HOMER1: variants seen among roughly 807,000 people sequenced by gnomAD.
The protein encoded by HOMER1 is homer scaffold protein 1.
In HOMER1, 3 loss-of-function variants were observed where a neutral mutation model predicts 48.9. The ratio of observed to expected loss-of-function variants is 0.06; its 90% confidence interval spans 0.03 to 0.16. The LOEUF (loss-of-function observed/expected upper bound fraction) is 0.16, where lower values mean the gene tolerates loss of function less well. HOMER1 is among the 10% of genes least tolerant of loss of function. The pLI is 1.00. For missense variants in HOMER1, 247 were observed against 411.4 expected, an observed-to-expected ratio of 0.60 and a Z score of 3.46; for synonymous variants, 134 against 146.4, an observed-to-expected ratio of 0.92 and a Z score of 0.61.
At chr5:79,390,011 C>T (rs1294587277) in intron 8 of HOMER1, among the ~76,000 whole-genome samples, 1 of 152,120 alleles carries the variant, frequency 6.6e-6, no homozygotes. Flanking sequence ...CCAGGCCAGG[C>T]ACGGTGGCTC....
At chr5:79,424,768 A>G (rs1036498026) in intron 5 of HOMER1, among the ~76,000 whole-genome samples, 1 of 152,100 alleles carries the variant, frequency 6.6e-6, no homozygotes, top group East Asian at 1.9e-4. Flanking sequence ...GTCCAGGAAG[A>G]TCAGGTTGCT....
At chr5:79,491,151 T>C (rs1338547481) in intron 1 of HOMER1, among the ~76,000 whole-genome samples, 1 of 123,870 alleles carries the variant, frequency 8.1e-6, no homozygotes, top group Non-Finnish European at 1.6e-5. Flanking sequence ...GAATTACAGG[T>C]CAGGTGCCAG....
chr5:79,391,742 C>CA lies in HOMER1; in HGVS notation c.876+5080dup, dbSNP rs959958115. On this transcript the variant is annotated intron_variant, in intron 8 of 8. Transcript: ENST00000334082. ...TGGGCAACAGAGTGAGACTCTGTCTCAAAAAAAAAAAAGAAAAGAAAAAGA... is the reference window on the plus strand; with the variant it reads ...TGGGCAACAGAGTGAGACTCTGTCTCAAAAAAAAAAAAAGAAAAGAAAAAGA... Among the ~76,000 whole-genome samples the CA allele has an allele frequency of 3.0e-3, 351 of 117,624 alleles. 3 individuals are homozygous for CA. The East Asian group carries it at 0.04, about 13-fold the overall frequency. 77.2% of individuals were successfully genotyped at this position (117,624 alleles called of 152,430 possible).
intron 2 of HOMER1, among the ~76,000 whole-genome samples, chr5:79,454,643 A>G (rs1751119921): frequency 6.6e-6 from 1 of 152,206 alleles, no homozygotes; most frequent in Non-Finnish European, 1.5e-5. Flanking sequence ...AAGTAAATAC[A>G]TATTAGTTAC....
At chr5:79,488,036 T>C (rs1236533134) in intron 1 of HOMER1, among the ~76,000 whole-genome samples, 1 of 152,260 alleles carries the variant, frequency 6.6e-6, no homozygotes, top group Non-Finnish European at 1.5e-5. Context: ...AAACTTTCTG[T>C]ACACTTAATA....
intron 4 of HOMER1, 132 bp downstream of exon 4, chr5:79,446,921 T>C (rs1750902302): frequency 1.7e-6 from 1 of 593,262 alleles, no homozygotes; most frequent in African/African-American, 1.9e-5. Flanking sequence ...ATCAAAGTCC[T>C]GGGATTACAG....
chr5:79,503,532 GAGAAA>G (rs1469445531), intron 1 of HOMER1, among the ~76,000 whole-genome samples: 66 of 94,022 alleles, frequency 7.0e-4, no homozygotes, highest in South Asian at 1.6e-3. Flanking sequence ...CTGTCACAAA[GAGAAA>G]AAAAAAAAAA....
At chr5:79,491,370 T>C (rs1315468574) in intron 1 of HOMER1, among the ~76,000 whole-genome samples, 6 of 140,274 alleles carry the variant, frequency 4.3e-5, no homozygotes, top group East Asian at 2.2e-4. Flanking sequence ...GCCCCGGAGG[T>C]TGAGGGTGCA....
chr5:79,388,848 T>C lies in HOMER1; in HGVS notation c.876+7975A>G, dbSNP rs146321841. On this transcript the variant is annotated intron_variant, in intron 8 of 8. Coordinates refer to ENST00000334082, the MANE Select transcript of HOMER1 (RefSeq NM_004272.5). ...CAGAAAGAGGTTGCAAAAAACAAAA[T>C]CAAATTACACAAGATTGGAGCTCCT... Among the ~76,000 whole-genome samples the C allele has an allele frequency of 2.7e-3, 413 of 151,744 alleles. 2 individuals are homozygous for C. The highest frequency in any genetic ancestry group is 9.5e-3 in the African/African-American group (394 of 41,426).
intron 1 of HOMER1, among the ~76,000 whole-genome samples, chr5:79,459,819 G>A (rs1007546960): frequency 7.2e-5 from 11 of 152,156 alleles, no homozygotes; most frequent in Non-Finnish European, 1.3e-4. Context: ...AATAGAGTTT[G>A]AAACAAACTG....
intron 5 of HOMER1, among the ~76,000 whole-genome samples, chr5:79,407,333 T>C (rs1227458919): frequency 6.6e-6 from 1 of 151,058 alleles, no homozygotes; most frequent in African/African-American, 2.4e-5. Context: ...AAAAAAACAC[T>C]CCTCACTGTC....
At chr5:79,490,448 AAG>A (rs147385130) in intron 1 of HOMER1, among the ~76,000 whole-genome samples, 1,937 of 152,278 alleles carry the variant, frequency 0.013, 55 homozygotes, top group African/African-American at 0.043. Context: ...GCTTATACAG[AAG>A]AGTTTTCATA....
At chr5:79,502,988 C>T (rs1302778809) in intron 1 of HOMER1, among the ~76,000 whole-genome samples, 1 of 152,026 alleles carries the variant, frequency 6.6e-6, no homozygotes, top group African/African-American at 2.4e-5. Context: ...GACAGGGTTT[C>T]ACCGTGTTAG....
At chr5:79,408,729 T>C (rs1480022712) in intron 5 of HOMER1, among the ~76,000 whole-genome samples, 1 of 152,154 alleles carries the variant, frequency 6.6e-6, no homozygotes, top group African/African-American at 2.4e-5. Flanking sequence ...ACATGGTCCA[T>C]TAAAAAAACT....
Position 79,446,945 on chromosome 5 carries a change from C to T in HOMER1, c.387+108G>A, listed in dbSNP as rs1256131606. ...CTGGGATTACAGGTGTGAGCCACCA[C>T]ACTAAAGGGTGCATTTCTGTGTGTA... On this transcript the variant is annotated intron_variant, in intron 4 of 8. Coordinates refer to ENST00000334082, the MANE Select transcript of HOMER1 (RefSeq NM_004272.5). 4.3e-6 allele frequency: 3 copies of T among 696,828 alleles called. No homozygotes were observed. In the African/African-American group the frequency reaches 5.3e-5, roughly 12 times the overall value. The allele number at this position is 696,828 out of a possible 1,614,324, so 43.2% of individuals were successfully genotyped here. A position where few individuals can be genotyped will look rare whatever the true frequency, so the allele number is the denominator to read the frequency against.
chr5:79,441,109 G>A (rs1008441935), intron 4 of HOMER1, among the ~76,000 whole-genome samples: 4 of 152,004 alleles, frequency 2.6e-5, no homozygotes, highest in East Asian at 1.9e-4. Context: ...CCAGCGAGCC[G>A]AGATCACTGC....
intron 5 of HOMER1, among the ~76,000 whole-genome samples, chr5:79,432,840 T>C (rs923914288): frequency 5.1e-4 from 71 of 140,100 alleles, no homozygotes; most frequent in African/African-American, 1.6e-3. Context: ...TTCACAATTA[T>C]AGTAAAAAAA....
chr5:79,385,275 A>G (rs1039051087), intron 8 of HOMER1, among the ~76,000 whole-genome samples: 1 of 152,198 alleles, frequency 6.6e-6, no homozygotes, highest in Admixed American at 6.5e-5. Context: ...ATATTAAACT[A>G]AAAAGCTTCT....
intron 1 of HOMER1, among the ~76,000 whole-genome samples, chr5:79,483,543 TCA>T (rs2112345352): frequency 6.6e-6 from 1 of 151,932 alleles, no homozygotes; most frequent in South Asian, 2.1e-4. Flanking sequence ...AAAGATTTTC[TCA>T]GACATACAAA....
Sources: allele counts gnomAD v4.1 joint callset (sites outside exome capture counted in the v4.1 genomes callset), GRCh38; gene constraint gnomAD v4.1.1; transcripts MANE v1.5; gene names NCBI Gene and HGNC (gene_info 2026-07-23, HGNC 2026-07-21).